FHIT: variants seen among roughly 807,000 people sequenced by gnomAD.
The protein encoded by FHIT is fragile histidine triad diadenosine triphosphatase.
A neutral mutation model predicts 17.9 loss-of-function variants in FHIT; 19 were observed. The ratio of observed to expected loss-of-function variants is 1.06; its 90% confidence interval spans 0.74 to 1.56. The LOEUF (loss-of-function observed/expected upper bound fraction) is 1.56, where lower values mean the gene tolerates loss of function less well. Among genes scored for constraint, FHIT ranks in the 40% most tolerant of loss-of-function variants. FHIT has a pLI of 0.00. For synonymous variants in FHIT, 81 were observed against 69.7 expected (o/e 1.16, Z -0.81); for missense variants, 248 against 189.2 (o/e 1.31, Z -1.82).
intron 5 of FHIT, among the ~76,000 whole-genome samples, chr3:60,324,568 C>T (rs1034701693): frequency 1.8e-5 from 1 of 55,358 alleles, no homozygotes; most frequent in African/African-American, 1.0e-4. Flanking sequence ...AGCGAGACTC[C>T]ATCAGAAAAA....
At position 59,960,133 on chromosome 3, in the gene FHIT, T is replaced by G. The variant is rs114674779; in HGVS notation, c.280-37719A>C. On this transcript the variant is annotated intron_variant, in intron 7 of 9. Coordinates refer to ENST00000492590, the MANE Select transcript of FHIT (RefSeq NM_002012.4). Reference sequence around the variant, plus strand: ...ATTTGAGAGAGAGGAAGACAGTGGGTGGAAGAAAGGGGACAACTGTGATTG... The same window carrying G: ...ATTTGAGAGAGAGGAAGACAGTGGGGGGAAGAAAGGGGACAACTGTGATTG... 5.8e-3 allele frequency among the ~76,000 whole-genome samples: 881 copies of G among 152,022 alleles called. 12 individuals carry two copies. Among genetic ancestry groups the G allele is most frequent in the African/African-American group, 0.02 (819 of 41,454 alleles).
intron 2 of FHIT, among the ~76,000 whole-genome samples, chr3:61,140,194 T>C (rs1235901858): frequency 1.3e-5 from 2 of 152,176 alleles, no homozygotes; most frequent in Non-Finnish European, 2.9e-5. Context: ...CCATAAAACA[T>C]TTAAATAATA....
chr3:60,890,617 G>A (rs1010444070), intron 3 of FHIT, among the ~76,000 whole-genome samples: 1 of 152,190 alleles, frequency 6.6e-6, no homozygotes, highest in Non-Finnish European at 1.5e-5. Flanking sequence ...CATTTTCTGT[G>A]CAAGTAGTCC....
At chr3:60,433,852 T>C (rs1001212552) in intron 5 of FHIT, among the ~76,000 whole-genome samples, 1 of 152,140 alleles carries the variant, frequency 6.6e-6, no homozygotes, top group African/African-American at 2.4e-5. Context: ...TCATTTTTTC[T>C]CCTATTCCAT....
chr3:60,744,262 ACAAAAC>A (rs1559688079), intron 4 of FHIT, among the ~76,000 whole-genome samples: 2,662 of 80,642 alleles, frequency 0.033, 83 homozygotes, highest in South Asian at 0.067. Flanking sequence ...AAAAAACAAA[ACAAAAC>A]AAAAAAAAAA....
At chr3:61,189,986 A>C (rs1358435472) in intron 2 of FHIT, among the ~76,000 whole-genome samples, 3 of 152,172 alleles carry the variant, frequency 2.0e-5, no homozygotes, top group Non-Finnish European at 2.9e-5. Flanking sequence ...AAACCCTAGA[A>C]GAAAACCTAG....
chr3:59,867,235 T>C (rs956813971), intron 8 of FHIT, among the ~76,000 whole-genome samples: 2 of 102,756 alleles, frequency 1.9e-5, no homozygotes, highest in African/African-American at 9.3e-5. Flanking sequence ...TCACCGACAT[T>C]CTCTTTGTTA....
chr3:60,206,964 C>G (rs762827346), intron 5 of FHIT, among the ~76,000 whole-genome samples: 1 of 152,104 alleles, frequency 6.6e-6, no homozygotes, highest in Non-Finnish European at 1.5e-5. Context: ...AGATACCTCC[C>G]ACTAGACCCA....
intron 4 of FHIT, among the ~76,000 whole-genome samples, chr3:60,561,272 C>T (rs2036935845): frequency 6.6e-6 from 1 of 151,994 alleles, no homozygotes; most frequent in Non-Finnish European, 1.5e-5. Flanking sequence ...AAACAAAGAA[C>T]AAAGTCAATA....
chr3:60,326,420 T>C lies in FHIT; in HGVS notation c.103+210440A>G, dbSNP rs542723390. Among the ~76,000 whole-genome samples, 162 of 151,900 alleles carry C rather than the reference T, an allele frequency of 1.1e-3. 1 individual carries two copies. The highest frequency in any genetic ancestry group is 3.8e-3 in the African/African-American group (157 of 41,438). On this transcript the variant is annotated intron_variant, in intron 5 of 9. Coordinates refer to ENST00000492590, the MANE Select transcript of FHIT (RefSeq NM_002012.4). ...CTCCCATGTGCAATTCACAATAGGG[T>C]TCACATTCCTATGAGAATCTAATCC...
At chr3:60,613,297 A>G (rs717762) in intron 4 of FHIT, among the ~76,000 whole-genome samples, 131,348 of 152,132 alleles carry the variant, frequency 0.86, 56,908 homozygotes, top group Non-Finnish European at 0.89. Flanking sequence ...CATGGAGTGA[A>G]ACAGAAACTA....
intron 3 of FHIT, among the ~76,000 whole-genome samples, chr3:60,887,425 A>C (rs13067776): frequency 0.26 from 38,862 of 152,014 alleles, 5,727 homozygotes; most frequent in African/African-American, 0.39. Flanking sequence ...TGGGCAGATC[A>C]TCTGAGGTCA....
intron 8 of FHIT, among the ~76,000 whole-genome samples, chr3:59,816,691 C>T (rs371738502): frequency 6.6e-6 from 1 of 152,166 alleles, no homozygotes; most frequent in East Asian, 1.9e-4. Flanking sequence ...TTTCTATTCC[C>T]TAAAGTTCCA....
intron 3 of FHIT, among the ~76,000 whole-genome samples, chr3:60,965,399 G>T (rs1249516167): frequency 1.3e-5 from 2 of 152,164 alleles, no homozygotes; most frequent in African/African-American, 4.8e-5. Flanking sequence ...GCTTGGAGAA[G>T]TTTGTTATTC....
chr3:60,313,714 G>A (rs568921820), intron 5 of FHIT, among the ~76,000 whole-genome samples: 36 of 131,482 alleles, frequency 2.7e-4, no homozygotes, highest in African/African-American at 1.0e-3. Flanking sequence ...CTTCCCGGGG[G>A]GAGCAAAAGC....
rs191016113 is a variant in FHIT, at chr3:60,167,121, T to C, written c.104-152969A>G. ...CTGCTCAAAGACTGTCTTTCCCCCC[T>C]TTCTAAGAGTTCTGCCTCATTAACC... On this transcript the variant is annotated intron_variant, in intron 5 of 9. Transcript: ENST00000492590. 3.5e-3 allele frequency among the ~76,000 whole-genome samples: 537 copies of C among 152,318 alleles called. 3 individuals are homozygous for C. The highest frequency in any genetic ancestry group is 8.0e-3 in the Admixed American group (123 of 15,292).
At chr3:60,901,841 A>G (rs1264373116) in intron 3 of FHIT, among the ~76,000 whole-genome samples, 2 of 152,150 alleles carry the variant, frequency 1.3e-5, no homozygotes, top group African/African-American at 4.8e-5. Context: ...TGAAAAATAC[A>G]CTGAGAACCA....
chr3:60,523,077 T>C (rs889877019), intron 5 of FHIT, among the ~76,000 whole-genome samples: 7 of 152,098 alleles, frequency 4.6e-5, no homozygotes, highest in Admixed American at 3.3e-4. Context: ...CTCGTGAGAC[T>C]TATTCATTAC....
chr3:60,272,251 T>A (rs1706899472), intron 5 of FHIT, among the ~76,000 whole-genome samples: 1 of 152,194 alleles, frequency 6.6e-6, no homozygotes, highest in Non-Finnish European at 1.5e-5. Context: ...TGAAGCAGAA[T>A]TTAACAAGTA....
Sources: allele counts gnomAD v4.1 joint callset (sites outside exome capture counted in the v4.1 genomes callset), GRCh38; gene constraint gnomAD v4.1.1; transcripts MANE v1.5; gene names NCBI Gene and HGNC (gene_info 2026-07-23, HGNC 2026-07-21).